Variants in DLEU7 observed in about 807,000 individuals in gnomAD.
The protein encoded by DLEU7 is deleted in lymphocytic leukemia 7, also known as leukemia-associated protein 7.
DLEU7 carries 17 observed loss-of-function variants against 16.0 expected under a neutral mutation model. The ratio of observed to expected loss-of-function variants is 1.06; its 90% CI spans 0.73 to 1.59. The LOEUF is 1.59. DLEU7 is among the 40% of genes most tolerant of loss of function. The pLI is 0.00. For synonymous variants in DLEU7, 113 were observed against 139.8 expected (o/e 0.81, Z 1.35); for missense variants, 308 against 314.9 (o/e 0.98, Z 0.17).
rs916849707 is a variant in DLEU7 at position 50,843,201 on chromosome 13, G to C, written c.446C>G (p.Pro149Arg). 3.8e-6 allele frequency: 6 copies of C among 1,593,384 alleles called. No individual in the cohort carries two copies. The highest frequency in any genetic ancestry group is 1.4e-5 in the African/African-American group (1 of 72,862). ...LGPLQQERSFPIHLKDSVEFR... is the reference protein window; with the variant it reads ...LGPLQQERSFRIHLKDSVEFR... ...GGCCAGACTCACCTTCAGGTGAATG[G>C]GAAAGGACCGCTCCTGCTGGAGGGG... The change falls in exon 1 of 2, where the codon CCC becomes CGC. Residue 149 changes from proline to arginine, a missense_variant. Physicochemically the swap from Pro to Arg is moderately radical, Grantham distance 103. Coordinates refer to ENST00000504404, the MANE Select transcript of DLEU7 (RefSeq NM_001306135.2). This position sits in a 1 kb window ranked among gnomAD's most constrained non-coding sequence, Gnocchi z 5.7.
intron 1 of DLEU7, among the ~76,000 whole-genome samples, chr13:50,807,374 T>C (rs1876423505): frequency 6.6e-6 from 1 of 152,060 alleles, no homozygotes; most frequent in African/African-American, 2.4e-5. Context: ...ACAAACAAAT[T>C]TTTTAAAAGA....
At chr13:50,797,605 A>G (rs1455853774) in intron 1 of DLEU7, among the ~76,000 whole-genome samples, 2 of 152,212 alleles carry the variant, frequency 1.3e-5, no homozygotes, top group African/African-American at 4.8e-5. Context: ...CTTGAACTCA[A>G]TGGCAATTGT....
chr13:50,822,850 G>A, downstream of DLEU7: 2 of 987,596 alleles, frequency 2.0e-6, no homozygotes, highest in Non-Finnish European at 1.2e-6. Flanking sequence ...AAAAGGAAGT[G>A]TCCAGTAAGT....
At chr13:50,841,822 A>G (rs1288857739) in intron 1 of DLEU7, among the ~76,000 whole-genome samples, 2 of 152,174 alleles carry the variant, frequency 1.3e-5, no homozygotes, top group African/African-American at 4.8e-5. Context: ...GATTAAAAAA[A>G]ATTTTGGTGA....
At chr13:50,755,743 A>AT (rs984016378) in intron 1 of DLEU7, among the ~76,000 whole-genome samples, 41 of 121,072 alleles carry the variant, frequency 3.4e-4, no homozygotes, top group South Asian at 1.8e-3. Flanking sequence ...AGCTAATGTG[A>AT]TTTTTTTTTG....
At position 50,807,314 on chromosome 13, in the gene DLEU7, CT is replaced by C. The variant is rs200751667; in HGVS notation, c.459+35873del. Among the ~76,000 whole-genome samples, 588 of 152,062 alleles carry C rather than the reference CT, an allele frequency of 3.9e-3. 12 individuals are homozygous for C. In the South Asian group the frequency reaches 0.048, roughly 12 times the overall value. ...CTTAGAATCCTGCTTTATTCTCTTT[CT>C]TGAATTCATACATGGCATTTAAAAA... On this transcript the variant is annotated intron_variant, in intron 1 of 1. Coordinates refer to the DLEU7 transcript ENST00000400393.
chr13:50,775,643 C>T (rs1336183716), intron 1 of DLEU7, among the ~76,000 whole-genome samples: 3 of 152,180 alleles, frequency 2.0e-5, no homozygotes, highest in Non-Finnish European at 4.4e-5. Flanking sequence ...CCACTTTCTG[C>T]TTCAGCTCTG....
intron 1 of DLEU7, among the ~76,000 whole-genome samples, chr13:50,792,761 C>CT (rs11421879): frequency 0.5 from 76,512 of 151,808 alleles, 20,603 homozygotes; most frequent in East Asian, 0.77. Flanking sequence ...AAAGGCCTCC[C>CT]TTACCCAATC....
chr13:50,835,499 A>C (rs1209922017), intron 1 of DLEU7, among the ~76,000 whole-genome samples: 1 of 152,244 alleles, frequency 6.6e-6, no homozygotes, highest in African/African-American at 2.4e-5. Flanking sequence ...TACGAAGCTC[A>C]AAAATTGGCA....
At chr13:50,769,285 A>C (rs564785028) in intron 1 of DLEU7, among the ~76,000 whole-genome samples, 1 of 152,128 alleles carries the variant, frequency 6.6e-6, no homozygotes, top group Non-Finnish European at 1.5e-5. Context: ...GAAGCTCTTT[A>C]GTTTCATTAG....
At chr13:50,724,108 C>T (rs1873699436) in intron 1 of DLEU7, among the ~76,000 whole-genome samples, 2 of 152,088 alleles carry the variant, frequency 1.3e-5, no homozygotes, top group South Asian at 4.1e-4. Context: ...ATGGTCAATA[C>T]ATTTAATAAT....
chr13:50,815,537 G>A (rs1285256205), intron 1 of DLEU7, among the ~76,000 whole-genome samples: 1 of 152,014 alleles, frequency 6.6e-6, no homozygotes, highest in Admixed American at 6.6e-5. Context: ...CAACTATTGA[G>A]CAGGTTCATT....
intron 1 of DLEU7, among the ~76,000 whole-genome samples, chr13:50,776,316 G>A (rs1405969389): frequency 2.6e-5 from 4 of 152,202 alleles, no homozygotes; most frequent in Admixed American, 6.5e-5. Context: ...GCCTTCCAAA[G>A]AGGTTTTGTG....
Position 50,823,396 on chromosome 13 carries a change from G to A in DLEU7, c.584C>T (p.Ser195Leu), listed in dbSNP as rs951273125. Residue 195 changes from serine to leucine, a missense_variant, in exon 2 of 2, where the codon TCA becomes TTA. Transcript: ENST00000504404. ...GGCATCTGAAGGAAAATTAGCAAGT[G>A]ACTGAATCAGCTTCTTGACTATTGT... ...LKTIVKKLIQ[S>L]LANFPSDAHM... 6.5e-7 allele frequency: 1 copy of A among 1,535,762 alleles called. No individual in the cohort carries two copies. Among genetic ancestry groups the A allele is most frequent in the African/African-American group, 1.4e-5 (1 of 73,022 alleles).
rs1352426014 is a variant in DLEU7 at position 50,739,004 on chromosome 13, C to G, written c.460-25764G>C. Among the ~76,000 whole-genome samples, 4 of 99,704 alleles carry G rather than the reference C, an allele frequency of 4.0e-5. No homozygotes were observed. The Admixed American group carries it at 4.1e-4, about 10-fold the overall frequency. 65.4% of individuals were successfully genotyped at this position (99,704 alleles called of 152,430 possible). A position where few individuals can be genotyped will look rare whatever the true frequency, so the allele number is the denominator to read the frequency against. On this transcript the variant is annotated intron_variant, in intron 1 of 1. Transcript: ENST00000400393. ...ACACACACACACACACACACACACA[C>G]GCACACACACACAAACACTGGCCAC...
At chr13:50,793,873 A>G (rs1204897920) in intron 1 of DLEU7, among the ~76,000 whole-genome samples, 1 of 152,058 alleles carries the variant, frequency 6.6e-6, no homozygotes, top group Non-Finnish European at 1.5e-5. Flanking sequence ...CCATTTGTCA[A>G]TTTCTAGTTT....
chr13:50,766,587 C>T (rs781477454), intron 1 of DLEU7, among the ~76,000 whole-genome samples: 1 of 152,052 alleles, frequency 6.6e-6, no homozygotes, highest in Non-Finnish European at 1.5e-5. Flanking sequence ...TCCTCCTCTT[C>T]TCTTACTTTT....
chr13:50,715,984 C>T (rs1282261240), intron 1 of DLEU7, among the ~76,000 whole-genome samples: 1 of 152,260 alleles, frequency 6.6e-6, no homozygotes, highest in Non-Finnish European at 1.5e-5. Flanking sequence ...CCTGCTGAGG[C>T]AGGTCTGGGC....
rs148623852 is a variant in DLEU7, at chr13:50,800,509, C to A, written c.459+42679G>T. ...AAGTTGCTAATTGCTACCTATACCC[C>A]CTGGCATTAAACAAACAGAGCTGCC... On this transcript the variant is annotated intron_variant, in intron 1 of 1. Coordinates refer to the DLEU7 transcript ENST00000400393. Among the ~76,000 whole-genome samples the A allele has an allele frequency of 4.9e-4, 74 of 152,166 alleles. No homozygotes were observed. In the East Asian group the frequency reaches 0.013, roughly 27 times the overall value.
Sources: allele counts gnomAD v4.1 joint callset (sites outside exome capture counted in the v4.1 genomes callset), GRCh38; gene constraint gnomAD v4.1.1; non-coding constraint Gnocchi (gnomAD v3.1); transcripts MANE v1.5; gene names NCBI Gene and HGNC (gene_info 2026-07-23, HGNC 2026-07-21).